The following EXT1 variants were observed in gnomAD, a reference collection of about 807,000 sequenced individuals.
The protein encoded by EXT1 is exostosin glycosyltransferase 1.
Under a neutral mutation model 82.5 loss-of-function variants are expected in EXT1, and 20 were observed. That is an observed-to-expected ratio of 0.24 (90% confidence interval 0.17 to 0.35). The LOEUF (loss-of-function observed/expected upper bound fraction) is 0.35. Ranked by LOEUF, EXT1 falls within the 10% of genes least tolerant of loss-of-function variation. The pLI is 1.00. For synonymous variants in EXT1, 348 were observed against 350.8 expected, an observed-to-expected ratio of 0.99 and a Z score of 0.09; for missense variants, 757 against 936.5, an observed-to-expected ratio of 0.81 and a Z score of 2.50.
chr8:117,830,441 T>G (rs1285369775), intron 3 of EXT1, 92 bp from the exon 4 acceptor site: 29 of 1,426,160 alleles, frequency 2.0e-5, no homozygotes, highest in Non-Finnish European at 2.7e-5. Context: ...GCTTTTATTC[T>G]TCATAGCATT....
chr8:117,840,636 A>T (rs1812260527), intron 1 of EXT1, among the ~76,000 whole-genome samples: 1 of 152,026 alleles, frequency 6.6e-6, no homozygotes, highest in Non-Finnish European at 1.5e-5. Flanking sequence ...AAAAAAAGAA[A>T]GAGAGAACGT....
chr8:117,948,980 C>G (rs1814439627), intron 1 of EXT1, among the ~76,000 whole-genome samples: 1 of 152,204 alleles, frequency 6.6e-6, no homozygotes, highest in Non-Finnish European at 1.5e-5. Flanking sequence ...TTAATAGAGA[C>G]AAATTATTCC....
intron 1 of EXT1, among the ~76,000 whole-genome samples, chr8:117,926,070 G>A (rs1201859569): frequency 1.3e-5 from 2 of 152,260 alleles, no homozygotes; most frequent in African/African-American, 2.4e-5. Context: ...AGAAGAGACC[G>A]CACTTGGCCT....
At chr8:117,953,309 G>A (rs1180745549) in intron 1 of EXT1, among the ~76,000 whole-genome samples, 2 of 152,044 alleles carry the variant, frequency 1.3e-5, no homozygotes, top group African/African-American at 4.8e-5. Flanking sequence ...GCCATTCACT[G>A]AATAAAACCT....
intron 1 of EXT1, among the ~76,000 whole-genome samples, chr8:117,839,438 A>G (rs999369998): frequency 6.6e-6 from 1 of 152,198 alleles, no homozygotes; most frequent in African/African-American, 2.4e-5. Flanking sequence ...ACAATTCCAT[A>G]CCCATATATG....
At chr8:117,802,046 G>C (rs901763329) in intron 10 of EXT1, among the ~76,000 whole-genome samples, 1 of 152,126 alleles carries the variant, frequency 6.6e-6, no homozygotes. Flanking sequence ...CCTAATCCTA[G>C]AGGATGATAT....
chr8:118,108,484 A>C (rs138826750), intron 1 of EXT1, among the ~76,000 whole-genome samples: 100 of 152,368 alleles, frequency 6.6e-4, no homozygotes, highest in African/African-American at 2.0e-3. Flanking sequence ...TAAACAAAGC[A>C]GTTCATTACT....
chr8:117,870,683 A>T (rs1253948027), intron 1 of EXT1, among the ~76,000 whole-genome samples: 2 of 152,116 alleles, frequency 1.3e-5, no homozygotes, highest in Non-Finnish European at 2.9e-5. Flanking sequence ...TCCTACTCCA[A>T]GTGTTAGAAA....
chr8:118,002,329 C>T (rs948155933), intron 1 of EXT1, among the ~76,000 whole-genome samples: 1 of 136,994 alleles, frequency 7.3e-6, no homozygotes, highest in Non-Finnish European at 1.5e-5. Context: ...TGCAGTGAGT[C>T]GAGATAGCAC....
chr8:117,973,724 C>G (rs562864880), intron 1 of EXT1, among the ~76,000 whole-genome samples: 8 of 150,776 alleles, frequency 5.3e-5, no homozygotes, highest in Non-Finnish European at 7.4e-5. Context: ...GCCGTAATCA[C>G]GCCACTGCAC....
intron 10 of EXT1, among the ~76,000 whole-genome samples, chr8:117,804,297 C>T (rs1433102844): frequency 6.6e-6 from 1 of 152,164 alleles, no homozygotes; most frequent in East Asian, 1.9e-4. Flanking sequence ...GAGCAGAGGG[C>T]TATCTATGAA....
At chr8:117,907,235 C>T (rs1469365136) in intron 1 of EXT1, among the ~76,000 whole-genome samples, 6 of 152,188 alleles carry the variant, frequency 3.9e-5, no homozygotes, top group African/African-American at 7.2e-5. Context: ...CTTTTAATAA[C>T]GAATGCAATC....
At chr8:118,031,490 A>T (rs531404537) in intron 1 of EXT1, among the ~76,000 whole-genome samples, 1 of 151,508 alleles carries the variant, frequency 6.6e-6, no homozygotes, top group East Asian at 1.9e-4. Flanking sequence ...GAGTCATTGT[A>T]CTCTAGCTGG....
chr8:118,007,499 G>A (rs9643120), intron 1 of EXT1, among the ~76,000 whole-genome samples: 114,140 of 152,196 alleles, frequency 0.75, 44,194 homozygotes, highest in African/African-American at 0.94. Flanking sequence ...CAAACAGTTA[G>A]TGCATGTGGG....
chr8:117,981,704 T>C (rs1386381541), intron 1 of EXT1, among the ~76,000 whole-genome samples: 2 of 150,436 alleles, frequency 1.3e-5, no homozygotes, highest in African/African-American at 5.0e-5. Context: ...ACCCCAGTTC[T>C]ACTAAAAAAA....
intron 1 of EXT1, among the ~76,000 whole-genome samples, chr8:117,877,209 C>G (rs550070569): frequency 1.7e-4 from 26 of 152,304 alleles, no homozygotes; most frequent in African/African-American, 6.0e-4. Context: ...GCCGGCGCAA[C>G]TGAAATGGTC....
chr8:117,861,357 TTAAG>T (rs1451109296), intron 1 of EXT1, among the ~76,000 whole-genome samples: 2 of 152,190 alleles, frequency 1.3e-5, no homozygotes, highest in African/African-American at 4.8e-5. Context: ...ATAATTATGT[TTAAG>T]TAAGCCAATA....
In EXT1 at chr8:117,878,259, G is replaced by C. The variant is rs115813872; in HGVS notation, c.963-41058C>G. On this transcript the variant is annotated intron_variant, in intron 1 of 10. Coordinates refer to ENST00000378204, the MANE Select transcript of EXT1 (RefSeq NM_000127.3). Reference sequence around the variant, plus strand: ...ATTGCACTCTAGCTTGGGCGACAGAGTGTGAGACTCCGTCTCTAAATAAAT... The same window carrying C: ...ATTGCACTCTAGCTTGGGCGACAGACTGTGAGACTCCGTCTCTAAATAAAT... 8.4e-3 allele frequency among the ~76,000 whole-genome samples: 1,276 copies of C among 152,332 alleles called. 21 individuals are homozygous for C. Among genetic ancestry groups the C allele is most frequent in the African/African-American group, 0.029 (1,214 of 41,566 alleles).
chr8:117,897,832 G>C (rs1301263919), intron 1 of EXT1, among the ~76,000 whole-genome samples: 1 of 151,620 alleles, frequency 6.6e-6, no homozygotes, highest in Non-Finnish European at 1.5e-5. Flanking sequence ...TGAACTCCTG[G>C]GCTCAAGCGA....
Sources: allele counts gnomAD v4.1 joint callset (sites outside exome capture counted in the v4.1 genomes callset), GRCh38; gene constraint gnomAD v4.1.1; transcripts MANE v1.5; gene names NCBI Gene and HGNC (gene_info 2026-07-23, HGNC 2026-07-21).